Variants in TNMD observed in about 807,000 individuals in gnomAD.
The protein encoded by TNMD is tenomodulin, also known as BRICHOS domain containing 4.
Under a neutral mutation model 26.9 loss-of-function variants are expected in TNMD, and 15 were observed. The ratio of observed to expected loss-of-function variants is 0.56; its 90% CI spans 0.37 to 0.86. The LOEUF (loss-of-function observed/expected upper bound fraction) is 0.86, where lower values mean the gene tolerates loss of function less well. Among genes scored for constraint, TNMD ranks in the 40% least tolerant of loss-of-function variants. TNMD has a pLI of 0.00. For missense variants in TNMD, 222 were observed against 242.6 expected (o/e 0.92, Z 0.56); for synonymous variants, 73 against 77.0 (o/e 0.95, Z 0.27).
intron 4 of TNMD, among the ~76,000 whole-genome samples, chrX:100,595,891 G>C (rs901175613): frequency 1.8e-5 from 2 of 111,945 alleles, no homozygotes; most frequent in Non-Finnish European, 3.8e-5. Context: ...TAAGATAAAA[G>C]GAAAATCAAT....
chrX:100,594,226 T>G, intron 3 of TNMD, 35 bp from the exon 4 acceptor site: 4 of 1,093,513 alleles, frequency 3.7e-6, no homozygotes, highest in Non-Finnish European at 4.9e-6. Context: ...GTGGCTCTTT[T>G]GGGAAGCTTT....
At chrX:100,595,205 T>A (rs531135289) in intron 4 of TNMD, among the ~76,000 whole-genome samples, 1 of 111,875 alleles carries the variant, frequency 8.9e-6, no homozygotes, top group East Asian at 2.8e-4. Flanking sequence ...AACATTGGTT[T>A]GGTTTGGTTT....
At position 100,599,496 on chromosome X, in the gene TNMD, T is replaced by G; in HGVS notation, c.745-12T>G. 1 of 1,197,765 alleles carries G rather than the reference T, an allele frequency of 8.3e-7. No individual in the cohort carries two copies. Among genetic ancestry groups the G allele is most frequent in the Non-Finnish European group, 1.1e-6 (1 of 886,276 alleles). On this transcript the variant is annotated splice_polypyrimidine_tract_variant and intron_variant, in intron 6 of 6. Coordinates refer to ENST00000373031, the MANE Select transcript of TNMD (RefSeq NM_022144.3). The stretch of plus-strand genomic sequence containing the variant: ...CTCTCCCACCCCCAACACTGGCTTC[T>G]TCTTCTTTCAGACTGAAAATGGAAT...
intron 2 of TNMD, 56 bp from the exon 3 acceptor site, chrX:100,593,839 C>T (rs1489110803): frequency 8.6e-7 from 1 of 1,164,395 alleles, no homozygotes; most frequent in Non-Finnish European, 1.2e-6. Context: ...CCAAAAAGCA[C>T]CTCACTTTAG....
rs188279671 is a variant in TNMD, at chrX:100,599,665, G to C, written c.902G>C (p.Arg301Pro). The change falls in exon 7 of 7, where the codon CGT becomes CCT. Residue 301 changes from arginine (R) to proline (P), a missense_variant. Physicochemically the swap from Arg to Pro is moderately radical, Grantham distance 103. Transcript: ENST00000373031. ...YCYQGGRVIC[R>P]VIMPCNWWVA... ...TACCAAGGAGGACGAGTCATCTGTC[G>C]TGTCATCATGCCTTGTAACTGGTGG... is the stretch of plus-strand genomic sequence containing the variant. 2.5e-6 allele frequency: 3 copies of C among 1,209,822 alleles called. No homozygotes were observed. The Admixed American group carries it at 6.6e-5, about 26-fold the overall frequency.
intron 2 of TNMD, chrX:100,593,520 T>G: frequency 3.4e-6 from 1 of 295,527 alleles, no homozygotes; most frequent in Non-Finnish European, 4.6e-6. Context: ...ACTTAACCAT[T>G]TTAAGTGTAT....
chrX:100,592,837 C>CT (rs773611452), intron 2 of TNMD, among the ~76,000 whole-genome samples: 2 of 111,761 alleles, frequency 1.8e-5, no homozygotes, highest in African/African-American at 6.5e-5. Flanking sequence ...AGAAGACTTG[C>CT]TTTTTCAGGC....
chrX:100,590,187 C>T (rs565444621), intron 2 of TNMD, among the ~76,000 whole-genome samples: 2 of 111,939 alleles, frequency 1.8e-5, no homozygotes, highest in South Asian at 3.8e-4. Flanking sequence ...AGTGCATTCT[C>T]TTCCCTTCCT....
intron 5 of TNMD, 115 bp downstream of exon 5, chrX:100,597,772 T>G (rs2082957173): frequency 2.5e-6 from 2 of 798,606 alleles, no homozygotes; most frequent in Non-Finnish European, 3.7e-6. Context: ...TATATCTTCT[T>G]GGATGAGTCT....
At position 100,597,535 on chromosome X, in the gene TNMD, A is replaced by T. The variant is rs1038730495; in HGVS notation, c.455A>T (p.Gln152Leu). The change falls in exon 5 of 7, where the codon CAG (glutamine) becomes CTG (leucine). Residue 152 changes from glutamine to leucine, a missense_variant. Physicochemically the swap from Gln to Leu is moderately radical, Grantham distance 113 (BLOSUM62 -2). Transcript: ENST00000373031. ...GAAATTACCACAACTTTCTTTGAAC[A>T]GTCAGTGATTTGGGTCCCAGCAGAA... ...NEEITTTFFE[Q>L]SVIWVPAEKP... The T allele has an allele frequency of 2.5e-6, 3 of 1,211,982 alleles. No homozygotes were observed. Among genetic ancestry groups the T allele is most frequent in the African/African-American group, 1.7e-5 (1 of 57,932 alleles).
chrX:100,585,177 C>T, intron 1 of TNMD, 54 bp from the exon 2 acceptor site: 11 of 1,188,301 alleles, frequency 9.3e-6, no homozygotes, highest in Non-Finnish European at 9.1e-6. Context: ...TGAATTATGG[C>T]TTGCTTATTG....
intron 2 of TNMD, among the ~76,000 whole-genome samples, chrX:100,591,694 C>T (rs961927268): frequency 6.3e-5 from 7 of 111,584 alleles, no homozygotes; most frequent in Admixed American, 9.5e-5. Flanking sequence ...CACACATAAA[C>T]GAAGTCATTC....
intron 2 of TNMD, among the ~76,000 whole-genome samples, chrX:100,587,287 T>C (rs2082924804): frequency 8.9e-6 from 1 of 112,439 alleles, no homozygotes; most frequent in Non-Finnish European, 1.9e-5. Flanking sequence ...GTTCTGTTTT[T>C]AATGATTATA....
At chrX:100,587,142 A>G (rs1354236639) in intron 2 of TNMD, among the ~76,000 whole-genome samples, 1 of 112,551 alleles carries the variant, frequency 8.9e-6, no homozygotes, top group East Asian at 2.8e-4. Context: ...TTATAAATTT[A>G]CAGTGCTATT....
chrX:100,592,708 G>C (rs986559469), intron 2 of TNMD, among the ~76,000 whole-genome samples: 3 of 112,164 alleles, frequency 2.7e-5, no homozygotes, highest in East Asian at 2.8e-4. Context: ...ATTTCACCAG[G>C]TTAAACTAAC....
At chrX:100,586,903 T>C (rs2082923422) in intron 2 of TNMD, among the ~76,000 whole-genome samples, 1 of 112,011 alleles carries the variant, frequency 8.9e-6, no homozygotes, top group African/African-American at 3.2e-5. Flanking sequence ...CCCAAGGTGA[T>C]ATGTCACCCC....
At chrX:100,588,856 T>G (rs2082929338) in intron 2 of TNMD, among the ~76,000 whole-genome samples, 1 of 111,353 alleles carries the variant, frequency 9.0e-6, no homozygotes. Flanking sequence ...GCCTGGTGAC[T>G]TTAGGGTTGT....
At position 100,594,038 on chromosome X, in the gene TNMD, A is replaced by G; in HGVS notation, c.321+3A>G. The G allele has an allele frequency of 8.3e-7, 1 of 1,207,661 alleles. No individual in the cohort carries two copies. Among genetic ancestry groups the G allele is most frequent in the Non-Finnish European group, 1.1e-6 (1 of 893,172 alleles). On this transcript the variant is annotated splice_donor_region_variant and intron_variant, in intron 3 of 6. Transcript: ENST00000373031. ...TGGAAGTGCACGACTTTAAAAACGTAAGTTGGATGTTTTCCTCCTAAGGCT... is the reference window on the plus strand; with the variant it reads ...TGGAAGTGCACGACTTTAAAAACGTGAGTTGGATGTTTTCCTCCTAAGGCT...
chrX:100,589,362 C>T (rs1022888635), intron 2 of TNMD, among the ~76,000 whole-genome samples: 9 of 60,893 alleles, frequency 1.5e-4, no homozygotes, highest in Non-Finnish European at 1.9e-4. Flanking sequence ...TTGGCATTTT[C>T]AAAAAAAAAA....
Sources: gnomAD v4.1 joint callset for allele counts (sites outside exome capture counted in the v4.1 genomes callset) on GRCh38, gnomAD v4.1.1 for gene constraint, MANE v1.5 for transcripts, NCBI Gene and HGNC (gene_info 2026-07-23, HGNC 2026-07-21) for gene names.